Variants in ANKS4B observed in about 807,000 individuals in gnomAD.
The protein encoded by ANKS4B is ankyrin repeat and sterile alpha motif domain containing 4B.
ANKS4B carries 21 observed loss-of-function variants against 20.2 expected under a neutral mutation model. The observed-to-expected ratio is 1.04, with a 90% confidence interval of 0.74 to 1.50. The LOEUF (loss-of-function observed/expected upper bound fraction) is 1.50, where lower values mean the gene tolerates loss of function less well. Among genes scored for constraint, ANKS4B ranks in the 40% most tolerant of loss-of-function variants. The pLI, the probability that ANKS4B is intolerant of heterozygous loss-of-function variation, is 0.00. For missense variants in ANKS4B, 473 were observed against 494.6 expected (o/e 0.96, Z 0.41); for synonymous variants, 179 against 194.5 (o/e 0.92, Z 0.66).
chr16:21,251,755 AAG>A lies in ANKS4B; in HGVS notation c.*939_*940del, dbSNP rs899605724. 9 of 152,210 alleles carry A rather than the reference AAG, an allele frequency of 5.9e-5. No individual in the cohort carries two copies. Among genetic ancestry groups the A allele is most frequent in the African/African-American group, 1.9e-4 (8 of 41,440 alleles). The allele number at this position is 152,210 out of a possible 1,614,324, so 9.4% of individuals were successfully genotyped here. A position where few individuals can be genotyped will look rare whatever the true frequency, so the allele number is the denominator to read the frequency against. ...AGAGTGGTGGTGGGGAGAGTGAAGA[AAG>A]AGATAGAATACAGGTGGTACCTGTT... On this transcript the variant is annotated 3_prime_UTR_variant, in exon 2 of 2. Coordinates refer to ENST00000311620, the MANE Select transcript of ANKS4B (RefSeq NM_145865.3).
chr16:21,246,337 CTT>C (rs1308646932), intron 1 of ANKS4B, among the ~76,000 whole-genome samples: 2 of 152,056 alleles, frequency 1.3e-5, no homozygotes, highest in Non-Finnish European at 2.9e-5. Context: ...GGTAAAAACA[CTT>C]TTAAATAAGG....
intron 1 of ANKS4B, among the ~76,000 whole-genome samples, chr16:21,236,004 T>C (rs2093319828): frequency 6.6e-6 from 1 of 152,200 alleles, no homozygotes; most frequent in African/African-American, 2.4e-5. Context: ...AATCAAAGTA[T>C]TAGCCTATTC....
chr16:21,239,675 G>A lies in ANKS4B; in HGVS notation c.164+5774G>A, dbSNP rs934505951. On this transcript the variant is annotated intron_variant, in intron 1 of 1. Coordinates refer to ENST00000311620, the MANE Select transcript of ANKS4B (RefSeq NM_145865.3). ...GGAATCAGCCTAAATGTCCATCAAT[G>A]ACAGATTGGATAAAGGAAATGTGGT... 1.7e-4 allele frequency among the ~76,000 whole-genome samples: 26 copies of A among 152,290 alleles called. 1 individual carries two copies. Among genetic ancestry groups the A allele is most frequent in the Middle Eastern group, 3.4e-3 (1 of 294 alleles).
At position 21,253,312 on chromosome 16, in the gene ANKS4B, T is replaced by C. The variant is rs1264226865; in HGVS notation, c.*2492T>C. The C allele has an allele frequency of 2.0e-5, 3 of 152,200 alleles. No homozygotes were observed. Among genetic ancestry groups the C allele is most frequent in the Non-Finnish European group, 2.9e-5 (2 of 68,028 alleles). 9.4% of individuals were successfully genotyped at this position (152,200 alleles called of 1,614,324 possible). On this transcript the variant is annotated 3_prime_UTR_variant, in exon 2 of 2. Coordinates refer to ENST00000311620, the MANE Select transcript of ANKS4B (RefSeq NM_145865.3). ...ACAGATGCTCAAATCTGATGAACAA[T>C]TGGCTTATTCTTCCTCAATGAATAT...
At chr16:21,249,145 A>C (rs1037888887) in intron 1 of ANKS4B, among the ~76,000 whole-genome samples, 3 of 152,226 alleles carry the variant, frequency 2.0e-5, no homozygotes, top group African/African-American at 4.8e-5. Flanking sequence ...GAGACAAGAA[A>C]GTTGTTTGGC....
intron 1 of ANKS4B, among the ~76,000 whole-genome samples, chr16:21,245,926 T>C (rs1048613171): frequency 3.9e-5 from 6 of 152,250 alleles, no homozygotes; most frequent in Admixed American, 6.5e-5. Context: ...GCCAAGCAGT[T>C]TTCCAATGCT....
rs556061391 is a variant in ANKS4B, at chr16:21,236,150, A to G, written c.164+2249A>G. 2.6e-5 allele frequency among the ~76,000 whole-genome samples: 4 copies of G among 152,266 alleles called. No homozygotes were observed. In the South Asian group the frequency reaches 6.2e-4, roughly 24 times the overall value. ...GGGAGCCTTCAGGAAGCTTCCAATC[A>G]TGGCAGAAGGAAAAGGCATCTCACA... On this transcript the variant is annotated intron_variant, in intron 1 of 1. Coordinates refer to ENST00000311620, the MANE Select transcript of ANKS4B (RefSeq NM_145865.3).
intron 1 of ANKS4B, among the ~76,000 whole-genome samples, chr16:21,239,341 G>A (rs1490719695): frequency 3.9e-5 from 6 of 152,138 alleles, no homozygotes; most frequent in South Asian, 2.1e-4. Flanking sequence ...TTGGGAGGCC[G>A]AGGCGGGTGG....
chr16:21,246,068 A>G (rs918774954), intron 1 of ANKS4B, among the ~76,000 whole-genome samples: 27 of 152,218 alleles, frequency 1.8e-4, no homozygotes, highest in Admixed American at 3.3e-4. Context: ...CATAAATTTA[A>G]TTTTTTTAGT....
chr16:21,249,774 C>A lies in ANKS4B; in HGVS notation c.208C>A (p.His70Asn). Residue 70 changes from histidine (H) to asparagine (N), a missense_variant, in exon 2 of 2, where the codon CAT (histidine) becomes AAT (asparagine). Physicochemically the swap from His to Asn is moderately conservative, Grantham distance 68. Coordinates refer to ENST00000311620, the MANE Select transcript of ANKS4B (RefSeq NM_145865.3). ...TGACATCTGGGGAAACACTCCTCTACATTTTGCAGCCTCCAATGGCCATGC... is the reference window on the plus strand; with the variant it reads ...TGACATCTGGGGAAACACTCCTCTAAATTTTGCAGCCTCCAATGGCCATGC... ...RCDIWGNTPL[H>N]FAASNGHAHC... 6.2e-7 allele frequency: 1 copy of A among 1,614,160 alleles called. No individual in the cohort carries two copies. The highest frequency in any genetic ancestry group is 8.5e-7 in the Non-Finnish European group (1 of 1,180,010).
chr16:21,246,087 TTTTA>T (rs1453441159), intron 1 of ANKS4B, among the ~76,000 whole-genome samples: 3 of 152,222 alleles, frequency 2.0e-5, no homozygotes, highest in African/African-American at 7.2e-5. Context: ...GTAAGGCTAT[TTTTA>T]TTTTTCGTAG....
intron 1 of ANKS4B, among the ~76,000 whole-genome samples, chr16:21,249,073 T>G (rs1226480651): frequency 6.6e-6 from 1 of 152,244 alleles, no homozygotes; most frequent in Non-Finnish European, 1.5e-5. Flanking sequence ...ATCTAATTGA[T>G]CTAAGTTAAA....
chr16:21,248,193 T>TA (rs879408187), intron 1 of ANKS4B, among the ~76,000 whole-genome samples: 2 of 151,652 alleles, frequency 1.3e-5, no homozygotes, highest in Non-Finnish European at 2.9e-5. Context: ...ATTTTTATTT[T>TA]AAAAAAAAAT....
chr16:21,250,935 G>A lies in ANKS4B; in HGVS notation c.*115G>A. 2.8e-6 allele frequency: 4 copies of A among 1,422,732 alleles called. No individual in the cohort carries two copies. Among genetic ancestry groups the A allele is most frequent in the Non-Finnish European group, 3.8e-6 (4 of 1,061,842 alleles). 88.1% of individuals were successfully genotyped at this position (1,422,732 alleles called of 1,614,324 possible). A position where few individuals can be genotyped will look rare whatever the true frequency, so the allele number is the denominator to read the frequency against. ...ACTGGGAATGGATTCTAGGGCATCG[G>A]AAATGCCTACCTGAGAGAGAGACCC... On this transcript the variant is annotated 3_prime_UTR_variant, in exon 2 of 2. Coordinates refer to ENST00000311620, the MANE Select transcript of ANKS4B (RefSeq NM_145865.3).
In ANKS4B at chr16:21,250,208, T is replaced by C. The variant is rs1453229149; in HGVS notation, c.642T>C (p.Asp214=). 6.2e-7 allele frequency: 1 copy of C among 1,614,062 alleles called. No individual in the cohort carries two copies. Among genetic ancestry groups the C allele is most frequent in the South Asian group, 1.1e-5 (1 of 91,066 alleles). The part of the protein sequence containing the change: ...TFKIKFKKNK[D]TAEQVGKEGR... ...AGATCAAGTTCAAGAAGAACAAAGA[T>C]ACAGCAGAACAGGTGGGGAAGGAAG... is the stretch of plus-strand genomic sequence containing the variant. The change falls in exon 2 of 2, where the codon GAT becomes GAC. Residue 214 remains aspartate (D), a synonymous_variant. Transcript: ENST00000311620.
Position 21,249,811 on chromosome 16 carries a change from C to G in ANKS4B, c.245C>G (p.Ser82Ter). ...AASNGHAHCVSFLVNFGANIF... is the reference protein window; with the variant it reads ...AASNGHAHCV Reference sequence around the variant, plus strand: ...TCCAATGGCCATGCCCACTGCGTCTCATTCCTGGTCAACTTTGGTGCCAAC... The same window carrying G: ...TCCAATGGCCATGCCCACTGCGTCTGATTCCTGGTCAACTTTGGTGCCAAC... The change falls in exon 2 of 2, where the codon TCA becomes TGA. Residue 82 changes from serine to a stop codon, truncating the protein, a stop_gained. Coordinates refer to ENST00000311620, the MANE Select transcript of ANKS4B (RefSeq NM_145865.3). LOFTEE classifies it high-confidence loss of function. 1 of 1,614,206 alleles carries G rather than the reference C, an allele frequency of 6.2e-7. No homozygotes were observed. The highest frequency in any genetic ancestry group is 8.5e-7 in the Non-Finnish European group (1 of 1,180,046).
At chr16:21,248,266 T>C (rs1457249310) in intron 1 of ANKS4B, among the ~76,000 whole-genome samples, 1 of 150,490 alleles carries the variant, frequency 6.6e-6, no homozygotes, top group Non-Finnish European at 1.5e-5. Flanking sequence ...CTCAAGCAAA[T>C]CTCCCACCTC....
intron 1 of ANKS4B, among the ~76,000 whole-genome samples, chr16:21,246,635 G>A (rs1414940028): frequency 6.6e-6 from 1 of 152,118 alleles, no homozygotes; most frequent in East Asian, 1.9e-4. Flanking sequence ...TTGAGGCCAT[G>A]TAGCTGGTAA....
chr16:21,236,108 A>G lies in ANKS4B; in HGVS notation c.164+2207A>G, dbSNP rs2152859088. 1.3e-5 allele frequency among the ~76,000 whole-genome samples: 2 copies of G among 152,330 alleles called. 1 individual carries two copies. The highest frequency in any genetic ancestry group is 3.9e-4 in the East Asian group (2 of 5,188). ...GTTCTACGGGCTGTACAGGAAGTAT[A>G]GTAGCTTCTGCTTTTGGGGAGCCTT... On this transcript the variant is annotated intron_variant, in intron 1 of 1. Transcript: ENST00000311620.
Sources: allele counts gnomAD v4.1 joint callset (sites outside exome capture counted in the v4.1 genomes callset), GRCh38; gene constraint gnomAD v4.1.1; transcripts MANE v1.5; gene names NCBI Gene and HGNC (gene_info 2026-07-23, HGNC 2026-07-21).